GLB1L3: variants seen among roughly 807,000 people sequenced by gnomAD.
GLB1L3 encodes galactosidase beta 1 like 3, also known as beta-galactosidase-1-like protein 3.
Under a neutral mutation model 89.5 loss-of-function variants are expected in GLB1L3, and 89 were observed. That is an observed-to-expected ratio of 0.99 (90% CI 0.84 to 1.19). The LOEUF (loss-of-function observed/expected upper bound fraction) is 1.19, where lower values mean the gene tolerates loss of function less well. Among genes scored for constraint, GLB1L3 ranks in the 50% most tolerant of loss-of-function variants. GLB1L3 has a pLI of 0.00. For synonymous variants in GLB1L3, 314 were observed against 312.3 expected, an observed-to-expected ratio of 1.01 and a Z score of -0.06; for missense variants, 812 against 813.3, an observed-to-expected ratio of 1.00 and a Z score of 0.02.
intron 16 of GLB1L3, 53 bp downstream of exon 16, chr11:134,313,527 T>G: frequency 2.9e-6 from 4 of 1,380,090 alleles, no homozygotes; most frequent in South Asian, 1.2e-5. Context: ...AGACCCGGGC[T>G]ATGCACTGGA....
intron 10 of GLB1L3, among the ~76,000 whole-genome samples, chr11:134,308,643 T>TCATCACCACCAC (rs1942549276): frequency 6.3e-5 from 6 of 94,682 alleles, no homozygotes; most frequent in Non-Finnish European, 1.2e-4. Flanking sequence ...ATCAACACCA[T>TCATCACCACCAC]CACCACCATC....
chr11:134,305,750 C>A (rs1942176928), intron 9 of GLB1L3, among the ~76,000 whole-genome samples: 1 of 151,932 alleles, frequency 6.6e-6, no homozygotes, highest in African/African-American at 2.4e-5. Context: ...TATTAATATG[C>A]ATAGAGATAT....
At chr11:134,302,506 ATAT>A (rs1338236992) in intron 9 of GLB1L3, among the ~76,000 whole-genome samples, 1 of 152,198 alleles carries the variant, frequency 6.6e-6, no homozygotes, top group East Asian at 1.9e-4. Context: ...AACACTGATA[ATAT>A]TACTGAAAAT....
At chr11:134,279,547 G>A (rs1270977914) in intron 3 of GLB1L3, among the ~76,000 whole-genome samples, 1 of 151,804 alleles carries the variant, frequency 6.6e-6, no homozygotes, top group Non-Finnish European at 1.5e-5. Flanking sequence ...TGTATTTTTA[G>A]TAGAGATGGG....
intron 10 of GLB1L3, among the ~76,000 whole-genome samples, chr11:134,309,360 G>A (rs2136213572): frequency 6.6e-6 from 1 of 152,082 alleles, no homozygotes; most frequent in South Asian, 2.1e-4. Context: ...ATAGGTTCTT[G>A]GAAACTAAAC....
Position 134,277,758 on chromosome 11 carries a change from A to T in GLB1L3, c.208A>T (p.Thr70Ser), listed in dbSNP as rs752656890. ...ELKNRSVGLG[T>S]ESTGRGKPHF... ...GAAGAATCGATCTGTGGGACTTGGA[A>T]CTGAAAGCACAGGTCGGGGTAAGCC... The change falls in exon 3 of 20, where the codon ACT becomes TCT. Residue 70 changes from threonine to serine, a missense_variant. This residue lies in a region of GLB1L3 where 191 missense variants were observed against 191.4 expected (regional missense o/e 1.00). Transcript: ENST00000431683. The T allele has an allele frequency of 6.2e-7, 1 of 1,613,556 alleles. No homozygotes were observed. The highest frequency in any genetic ancestry group is 1.3e-5 in the African/African-American group (1 of 74,846).
In GLB1L3 at chr11:134,319,332, C is replaced by T. The variant is rs1943119614; in HGVS notation, c.*390C>T. On this transcript the variant is annotated 3_prime_UTR_variant, in exon 20 of 20. Transcript: ENST00000431683. ...TAAGATTTATGTTAAGACTATCAAA[C>T]ACAGTGTTGCCTACAATAGCAAAAA... The T allele has an allele frequency of 5.7e-6, 1 of 174,940 alleles. No individual in the cohort carries two copies. The highest frequency in any genetic ancestry group is 2.4e-5 in the African/African-American group (1 of 41,882). The allele number at this position is 174,940 out of a possible 1,614,324, so 10.8% of individuals were successfully genotyped here. A position where few individuals can be genotyped will look rare whatever the true frequency, so the allele number is the denominator to read the frequency against.
intron 9 of GLB1L3, among the ~76,000 whole-genome samples, chr11:134,306,703 A>G (rs544091953): frequency 6.6e-6 from 1 of 152,332 alleles, no homozygotes; most frequent in East Asian, 1.9e-4. Context: ...AACAGAATCT[A>G]CGTTATTCAG....
intron 3 of GLB1L3, among the ~76,000 whole-genome samples, chr11:134,278,964 G>A (rs1469371394): frequency 6.6e-6 from 1 of 152,212 alleles, no homozygotes; most frequent in Non-Finnish European, 1.5e-5. Flanking sequence ...TTGGCTCTGA[G>A]ATAGGCACAC....
chr11:134,279,328 T>G (rs1314217613), intron 3 of GLB1L3, among the ~76,000 whole-genome samples: 1 of 151,776 alleles, frequency 6.6e-6, no homozygotes, highest in Non-Finnish European at 1.5e-5. Flanking sequence ...TCCCCCTTTT[T>G]TTCTTTCCTT....
chr11:134,280,083 A>G (rs1940604392), intron 3 of GLB1L3, among the ~76,000 whole-genome samples: 1 of 152,070 alleles, frequency 6.6e-6, no homozygotes, highest in Non-Finnish European at 1.5e-5. Flanking sequence ...ATTTTGCTAT[A>G]TAGTGCTTTG....
chr11:134,292,930 A>G, intron 8 of GLB1L3: 1 of 614,030 alleles, frequency 1.6e-6, no homozygotes, highest in Non-Finnish European at 2.9e-6. Flanking sequence ...GAGTGTGGTT[A>G]ATTTCAACAG....
In GLB1L3 at chr11:134,318,763, C is replaced by A; in HGVS notation, c.1896+16C>A. 6.4e-7 allele frequency: 1 copy of A among 1,570,234 alleles called. No homozygotes were observed. The highest frequency in any genetic ancestry group is 8.8e-7 in the Non-Finnish European group (1 of 1,140,948). On this transcript the variant is annotated intron_variant, in intron 19 of 19. Transcript: ENST00000431683. Reference sequence around the variant, plus strand: ...AGACAATGAGGTATGTCACTCCAGTCTCTGCCTTGAGATCTCATAAACTTT... The same window carrying A: ...AGACAATGAGGTATGTCACTCCAGTATCTGCCTTGAGATCTCATAAACTTT...
At chr11:134,279,919 C>T (rs900330770) in intron 3 of GLB1L3, among the ~76,000 whole-genome samples, 4 of 151,968 alleles carry the variant, frequency 2.6e-5, no homozygotes, top group Non-Finnish European at 5.9e-5. Flanking sequence ...AGTACCTTCT[C>T]TTCTCTGTCC....
intron 3 of GLB1L3, among the ~76,000 whole-genome samples, chr11:134,281,171 G>A (rs377748542): frequency 3.3e-5 from 5 of 152,172 alleles, no homozygotes; most frequent in African/African-American, 1.2e-4. Flanking sequence ...AGGATAATTG[G>A]CAGCTTGAAC....
intron 9 of GLB1L3, among the ~76,000 whole-genome samples, chr11:134,298,706 T>C (rs541710473): frequency 4.6e-5 from 7 of 152,300 alleles, no homozygotes; most frequent in Admixed American, 4.6e-4. Flanking sequence ...GCCTTTCCCC[T>C]TCTGCCATGA....
At chr11:134,290,610 G>GA (rs71038573) in intron 7 of GLB1L3, among the ~76,000 whole-genome samples, 61,721 of 139,970 alleles carry the variant, frequency 0.44, 14,040 homozygotes, top group Non-Finnish European at 0.49. Context: ...AAAAGAAAAA[G>GA]AAAAAAAAAC....
rs531507457 is a variant in GLB1L3 at position 134,289,279 on chromosome 11, A to G, written c.729+389A>G. Among the ~76,000 whole-genome samples, 26 of 152,258 alleles carry G rather than the reference A, an allele frequency of 1.7e-4. No individual in the cohort carries two copies. The South Asian group carries it at 5.4e-3, about 32-fold the overall frequency. On this transcript the variant is annotated intron_variant, in intron 7 of 19. Coordinates refer to ENST00000431683, the MANE Select transcript of GLB1L3 (RefSeq NM_001080407.3). ...ATTAAGCAGAAATGGATCATGGTAA[A>G]GGTCTTTATCCTCATCATCTTCAGG...
At chr11:134,315,013 C>A (rs1427992509) in intron 18 of GLB1L3, among the ~76,000 whole-genome samples, 1 of 152,068 alleles carries the variant, frequency 6.6e-6, no homozygotes, top group Non-Finnish European at 1.5e-5. Flanking sequence ...TTGTTGGCAC[C>A]CCTCCCAACT....
Sources: allele counts gnomAD v4.1 joint callset (sites outside exome capture counted in the v4.1 genomes callset), GRCh38; gene constraint gnomAD v4.1.1; regional missense constraint gnomAD v4.1.1; transcripts MANE v1.5; gene names NCBI Gene and HGNC (gene_info 2026-07-23, HGNC 2026-07-21).